The following XIRP1 variants were observed in gnomAD, a reference collection of about 807,000 sequenced individuals.
XIRP1 encodes xin actin binding repeat containing 1.
For synonymous variants in XIRP1, 984 were observed against 947.0 expected (o/e 1.04, Z -0.72); for missense variants, 2,378 against 2,345.4 (o/e 1.01, Z -0.29).
rs2039938926 is a variant in XIRP1, at chr3:39,185,060, G to C, written c.4386C>G (p.Asp1462Glu). The change falls in exon 2 of 2, where the codon GAC (aspartate) becomes GAG (glutamate). Residue 1462 changes from aspartate (D) to glutamate (E), a missense_variant. Transcript: ENST00000340369. ...GSHQGAPESP[D>E]SLQRNQKELQ... ...GCTCTTTCTGGTTTCTTTGCAGACT[G>C]TCAGGGCTCTCAGGGGCCCCTTGGT... The C allele has an allele frequency of 1.3e-6, 2 of 1,523,834 alleles. No individual in the cohort carries two copies. The highest frequency in any genetic ancestry group is 1.8e-6 in the Non-Finnish European group (2 of 1,139,556). 94.4% of individuals were successfully genotyped at this position (1,523,834 alleles called of 1,614,324 possible).
In XIRP1 at chr3:39,185,362, G is replaced by A; in HGVS notation, c.4084C>T (p.Gln1362Ter). ...ATGGCTGTATCTCTCTCACCTCGTT[G>A]GTGTTCTCTTTGCCCCACCTCCGAG... The part of the protein sequence containing the change: ...FSSEVGQREH[Q>*]RGERDTAIPQ... Residue 1362 changes from glutamine (Q) to a stop codon, truncating the protein, a stop_gained, in exon 2 of 2, where the codon CAA (glutamine) becomes TAA (stop). Transcript: ENST00000340369. LOFTEE classifies it low-confidence loss of function (END_TRUNC). The A allele has an allele frequency of 6.2e-7, 1 of 1,614,220 alleles. No individual in the cohort carries two copies. Among genetic ancestry groups the A allele is most frequent in the Non-Finnish European group, 8.5e-7 (1 of 1,180,032 alleles).
At position 39,185,466 on chromosome 3, in the gene XIRP1, G is replaced by T. The variant is rs1195769380; in HGVS notation, c.3980C>A (p.Pro1327His). The change falls in exon 2 of 2, where the codon CCC becomes CAC. Residue 1327 changes from proline to histidine, a missense_variant. By Grantham distance (77) the Pro-to-His change is moderately conservative. Coordinates refer to ENST00000340369, the MANE Select transcript of XIRP1 (RefSeq NM_194293.4). ...TMPPKKKPQL[P>H]PKPAHLTQSH... ...CTGGGTTAGGTGTGCAGGTTTAGGG[G>T]GCAGCTGCGGCTTCTTCTTTGGGGG... is the stretch of plus-strand genomic sequence containing the variant. The T allele has an allele frequency of 1.3e-6, 2 of 1,579,888 alleles. No homozygotes were observed. The highest frequency in any genetic ancestry group is 1.7e-6 in the Non-Finnish European group (2 of 1,162,980).
rs375060568 is a variant in XIRP1 at position 39,184,571 on chromosome 3, G to A, written c.4875C>T (p.Val1625=). 1.9e-6 allele frequency: 3 copies of A among 1,613,930 alleles called. No homozygotes were observed. Among genetic ancestry groups the A allele is most frequent in the African/African-American group, 1.3e-5 (1 of 75,064 alleles). Residue 1625 remains valine (V), a synonymous_variant, in exon 2 of 2, where the codon GTC becomes GTT. Coordinates refer to ENST00000340369, the MANE Select transcript of XIRP1 (RefSeq NM_194293.4). ...VECHTEAQSQ[V]KIRNHTEARG... is the part of the protein sequence containing the mutation. The stretch of plus-strand genomic sequence containing the variant: ...TGGCCTCTGTGTGATTTCTGATCTT[G>A]ACTTGACTCTGGGCCTCAGTGTGGC...
In XIRP1 at chr3:39,185,500, G is replaced by C. The variant is rs773830279; in HGVS notation, c.3946C>G (p.Pro1316Ala). ...GSQTKTPKLDPTMPPKKKPQL... is the reference protein window; with the variant it reads ...GSQTKTPKLDATMPPKKKPQL... ...GGCTTCTTCTTTGGGGGCATGGTGGGGTCCAGTTTTGGGGTCTTTGTCTGT... is the reference window on the plus strand; with the variant it reads ...GGCTTCTTCTTTGGGGGCATGGTGGCGTCCAGTTTTGGGGTCTTTGTCTGT... The change falls in exon 2 of 2, where the codon CCC becomes GCC. Residue 1316 changes from proline to alanine, a missense_variant. By Grantham distance (27) the Pro-to-Ala change is conservative. Coordinates refer to ENST00000340369, the MANE Select transcript of XIRP1 (RefSeq NM_194293.4). The C allele has an allele frequency of 4.5e-6, 7 of 1,561,386 alleles. No individual in the cohort carries two copies. In the Admixed American group the frequency reaches 9.4e-5, roughly 21 times the overall value.
chr3:39,191,750 G>A (rs1356920575), intron 1 of XIRP1, among the ~76,000 whole-genome samples: 1 of 152,178 alleles, frequency 6.6e-6, no homozygotes, highest in Admixed American at 6.5e-5. Context: ...CTGTCCTCGG[G>A]TCACCTCCTC....
In XIRP1 at chr3:39,184,065, T is replaced by C; in HGVS notation, c.5381A>G (p.Glu1794Gly). 6.2e-7 allele frequency: 1 copy of C among 1,610,052 alleles called. No homozygotes were observed. The highest frequency in any genetic ancestry group is 8.5e-7 in the Non-Finnish European group (1 of 1,177,266). The change falls in exon 2 of 2, where the codon GAG (glutamate) becomes GGG (glycine). Residue 1794 changes from glutamate (E) to glycine (G), a missense_variant. Transcript: ENST00000340369. ...MSSTTVTEQA[E>G]PPRNPGSHLG... ...GTGGGAGCCTGGGTTCCTGGGTGGC[T>C]CTGCCTGCTCGGTGACTGTGGTGGA... is the stretch of plus-strand genomic sequence containing the variant.
Position 39,184,246 on chromosome 3 carries a change from C to T in XIRP1, c.5200G>A (p.Ala1734Thr). The change falls in exon 2 of 2, where the codon GCC becomes ACC. Residue 1734 changes from alanine to threonine, a missense_variant. Physicochemically the swap from Ala to Thr is moderately conservative, Grantham distance 58. Transcript: ENST00000340369. ...ITQCSVQPEP[A>T]PPSASPLPRG... ...GGCAGGGGACTGGCTGAGGGAGGGG[C>T]AGGTTCAGGTTGCACAGAGCACTGG... 1 of 1,614,138 alleles carries T rather than the reference C, an allele frequency of 6.2e-7. No homozygotes were observed. Among genetic ancestry groups the T allele is most frequent in the Non-Finnish European group, 8.5e-7 (1 of 1,179,990 alleles).
In XIRP1 at chr3:39,187,832, G is replaced by C. The variant is rs2040011707; in HGVS notation, c.1614C>G (p.Thr538=). ...CGTCCCCAGCCACCACTTCCTGCCG[G>C]GTGATGCCCCGCACCACGTCGATGG... ...PSTIDVVRGI[T]RQEVVAGDVG... is the part of the protein sequence containing the mutation. Residue 538 remains threonine, a synonymous_variant, in exon 2 of 2, where the codon ACC becomes ACG. Transcript: ENST00000340369. 1 of 1,613,996 alleles carries C rather than the reference G, an allele frequency of 6.2e-7. No homozygotes were observed. The highest frequency in any genetic ancestry group is 1.3e-5 in the African/African-American group (1 of 74,902).
rs139719858 is a variant in XIRP1 at position 39,185,923 on chromosome 3, C to T, written c.3523G>A (p.Val1175Ile). The T allele has an allele frequency of 6.4e-5, 104 of 1,613,784 alleles. No homozygotes were observed. The highest frequency in any genetic ancestry group is 3.5e-4 in the Admixed American group (21 of 59,986). ...QSRHRETALSVQAPRPLQGGP... is the reference protein window; with the variant it reads ...QSRHRETALSIQAPRPLQGGP... ...CCCTGGAGTGGGCGGGGAGCCTGGA[C>T]TGAGAGGGCAGTCTCCCTGTGCCTT... The change falls in exon 2 of 2, where the codon GTC (valine) becomes ATC (isoleucine). Residue 1175 changes from valine (V) to isoleucine (I), a missense_variant. By Grantham distance (29) the Val-to-Ile change is conservative (BLOSUM62 3). Coordinates refer to ENST00000340369, the MANE Select transcript of XIRP1 (RefSeq NM_194293.4).
chr3:39,189,587 G>C (rs2125904071), intron 1 of XIRP1, 62 bp from the exon 2 acceptor site: 1 of 1,298,296 alleles, frequency 7.7e-7, no homozygotes, highest in Non-Finnish European at 1.0e-6. Flanking sequence ...CTTACGCTTA[G>C]AGACTCCTTC....
Position 39,187,202 on chromosome 3 carries a change from G to T in XIRP1, c.2244C>A (p.Gly748=). ...GSLAAESIQG[G]NLLEEQPMSP... is the part of the protein sequence containing the mutation. ...TCATGGGCTGCTCTTCCAGGAGGTT[G>T]CCCCCTTGGATGCTCTCAGCTGCCA... The change falls in exon 2 of 2, where the codon GGC becomes GGA. Residue 748 remains glycine (G), a synonymous_variant. Transcript: ENST00000340369. 3 of 1,594,518 alleles carry T rather than the reference G, an allele frequency of 1.9e-6. No homozygotes were observed. The South Asian group carries it at 3.3e-5, about 18-fold the overall frequency.
chr3:39,187,324 T>A lies in XIRP1; in HGVS notation c.2122A>T (p.Lys708Ter), dbSNP rs143358177. Residue 708 changes from lysine (K) to a stop codon, truncating the protein, a stop_gained, in exon 2 of 2, where the codon AAG becomes TAG. Coordinates refer to ENST00000340369, the MANE Select transcript of XIRP1 (RefSeq NM_194293.4). LOFTEE classifies it low-confidence loss of function (END_TRUNC). ...EVFQALEAGK[K>*]EEQEPRVIAG... is the part of the protein sequence containing the mutation. ...ATTACCCGGGGCTCCTGTTCTTCCTTCTTGCCTGCCTCCAGGGCCTGAAAA... is the reference window on the plus strand; with the variant it reads ...ATTACCCGGGGCTCCTGTTCTTCCTACTTGCCTGCCTCCAGGGCCTGAAAA... 189 of 1,599,074 alleles carry A rather than the reference T, an allele frequency of 1.2e-4. No homozygotes were observed. Among genetic ancestry groups the A allele is most frequent in the Non-Finnish European group, 1.5e-4 (172 of 1,171,868 alleles).
chr3:39,189,513 T>C lies in XIRP1; in HGVS notation c.-68A>G. 6.6e-7 allele frequency: 1 copy of C among 1,520,604 alleles called. No individual in the cohort carries two copies. 94.2% of individuals were successfully genotyped at this position (1,520,604 alleles called of 1,614,324 possible). Reference sequence around the variant, plus strand: ...CCTTAGATCTAGATGTTCAGCAGGGTAGAGGCTGGATGCTGGGAGAAATGG... The same window carrying C: ...CCTTAGATCTAGATGTTCAGCAGGGCAGAGGCTGGATGCTGGGAGAAATGG... On this transcript the variant is annotated 5_prime_UTR_variant, in exon 2 of 2. Coordinates refer to ENST00000340369, the MANE Select transcript of XIRP1 (RefSeq NM_194293.4).
Position 39,184,325 on chromosome 3 carries a change from C to A in XIRP1, c.5121G>T (p.Gln1707His), listed in dbSNP as rs34053674. ...KSTQLAQDIG[Q>H]ALLHQKGVQD... is the part of the protein sequence containing the mutation. ...GGACACCTTTCTGGTGGAGCAGGGC[C>A]TGGCCTATGTCCTGAGCCAGTTGTG... The change falls in exon 2 of 2, where the codon CAG becomes CAT. Residue 1707 changes from glutamine (Q) to histidine (H), a missense_variant. Gln to His is a conservative substitution (Grantham distance 24, BLOSUM62 0). Transcript: ENST00000340369. The A allele has an allele frequency of 3.3e-3, 5,365 of 1,614,218 alleles. 167 individuals carry two copies. The African/African-American group carries it at 0.06, about 18-fold the overall frequency.
In XIRP1 at chr3:39,189,381, A is replaced by G. The variant is rs1002947187; in HGVS notation, c.65T>C (p.Leu22Pro). 4.2e-5 allele frequency: 67 copies of G among 1,610,994 alleles called. No individual in the cohort carries two copies. The highest frequency in any genetic ancestry group is 5.2e-5 in the Non-Finnish European group (61 of 1,179,062). ...PTMRMATAED[L>P]PLPPPPALED... ...CAGGGCTGGGGGTGGAGGGAGGGGC[A>G]GGTCCTCTGCAGTTGCCATCCTCAT... The change falls in exon 2 of 2, where the codon CTG (leucine) becomes CCG (proline). Residue 22 changes from leucine (L) to proline (P), a missense_variant. Transcript: ENST00000340369.
At position 39,187,463 on chromosome 3, in the gene XIRP1, G is replaced by GTGTC. The variant is rs749353100; in HGVS notation, c.1979_1982dup (p.His661GlnfsTer5). ...CCTGAAGAGGCTCGGTCTCAAAGAC[G>GTGTC]TGTCTGTCTGTCTGTCTTTCCCCAG... On this transcript the variant is annotated frameshift_variant, in exon 2 of 2. Transcript: ENST00000340369. LOFTEE classifies it low-confidence loss of function (END_TRUNC). The GTGTC allele has an allele frequency of 2.0e-5, 33 of 1,613,802 alleles. No individual in the cohort carries two copies. The highest frequency in any genetic ancestry group is 8.0e-5 in the African/African-American group (6 of 74,920).
In XIRP1 at chr3:39,188,219, GTCC is replaced by G. The variant is rs772460349; in HGVS notation, c.1224_1226del (p.Gln408_Asp409delinsHis). On this transcript the variant is annotated inframe_deletion, in exon 2 of 2. Coordinates refer to ENST00000340369, the MANE Select transcript of XIRP1 (RefSeq NM_194293.4). ...TGTCACTGGATAGATGCCCCTCACCGTCCTGGGGATCCACTCGCTGTAGGTGAC... is the reference window on the plus strand; with the variant it reads ...TGTCACTGGATAGATGCCCCTCACCGTGGGGATCCACTCGCTGTAGGTGAC... The G allele has an allele frequency of 4.3e-6, 7 of 1,614,020 alleles. No individual in the cohort carries two copies. Among genetic ancestry groups the G allele is most frequent in the Non-Finnish European group, 5.1e-6 (6 of 1,180,030 alleles).
At position 39,187,363 on chromosome 3, in the gene XIRP1, G is replaced by A. The variant is rs60540208; in HGVS notation, c.2083C>T (p.Arg695Cys). 98 of 1,609,328 alleles carry A rather than the reference G, an allele frequency of 6.1e-5. No individual in the cohort carries two copies. In the African/African-American group the frequency reaches 1.0e-3, roughly 17 times the overall value. The stretch of plus-strand genomic sequence containing the variant: ...AGGGCCTGAAAAACCTCTTTCTGAC[G>A]AGACACCTGCCCTGAAGGGATCTCC... ...RVEIPSGQVS[R>C]QKEVFQALEA... is the part of the protein sequence containing the mutation. The change falls in exon 2 of 2, where the codon CGT (arginine) becomes TGT (cysteine). Residue 695 changes from arginine (R) to cysteine (C), a missense_variant. Physicochemically the swap from Arg to Cys is radical, Grantham distance 180 (BLOSUM62 -3). Transcript: ENST00000340369.
Position 39,185,698 on chromosome 3 carries a change from G to A in XIRP1, c.3748C>T (p.His1250Tyr), listed in dbSNP as rs2039955711. The A allele has an allele frequency of 6.2e-7, 1 of 1,612,610 alleles. No individual in the cohort carries two copies. Among genetic ancestry groups the A allele is most frequent in the South Asian group, 1.1e-5 (1 of 90,824 alleles). ...PQAAGASPHPHNAFVPPPPTL... is the reference protein window; with the variant it reads ...PQAAGASPHPYNAFVPPPPTL... ...GGAGGAGGAGGAACAAAGGCATTAT[G>A]GGGGTGCGGGCTGGCACCTGCAGCT... is the stretch of plus-strand genomic sequence containing the variant. Residue 1250 changes from histidine (H) to tyrosine (Y), a missense_variant, in exon 2 of 2, where the codon CAT becomes TAT. Physicochemically the swap from His to Tyr is moderately conservative, Grantham distance 83. Transcript: ENST00000340369.
Sources: gnomAD v4.1 joint callset for allele counts (sites outside exome capture counted in the v4.1 genomes callset) on GRCh38, gnomAD v4.1.1 for gene constraint, MANE v1.5 for transcripts, NCBI Gene and HGNC (gene_info 2026-07-23, HGNC 2026-07-21) for gene names.